The following PCMTD1 variants were observed in gnomAD, a reference collection of about 807,000 sequenced individuals.
The protein encoded by PCMTD1 is protein-L-isoaspartate (D-aspartate) O-methyltransferase domain containing 1.
PCMTD1 carries 12 observed loss-of-function variants against 37.6 expected under a neutral mutation model. That is an observed-to-expected ratio of 0.32 (90% CI 0.20 to 0.52). The LOEUF (loss-of-function observed/expected upper bound fraction) is 0.52. Ranked by LOEUF, PCMTD1 falls within the 20% of genes least tolerant of loss-of-function variation. PCMTD1 has a pLI of 0.97. For missense variants in PCMTD1, 235 were observed against 421.3 expected (o/e 0.56, Z 3.87); for synonymous variants, 117 against 135.8 (o/e 0.86, Z 0.96).
intron 1 of PCMTD1, among the ~76,000 whole-genome samples, chr8:51,883,847 C>T (rs2038826950): frequency 6.6e-6 from 1 of 152,184 alleles, no homozygotes; most frequent in Non-Finnish European, 1.5e-5. Context: ...AAACCATTTG[C>T]ATTTACAAAA....
At chr8:51,853,577 A>G (rs1366751227) in intron 2 of PCMTD1, among the ~76,000 whole-genome samples, 3 of 152,238 alleles carry the variant, frequency 2.0e-5, no homozygotes, top group Non-Finnish European at 4.4e-5. Flanking sequence ...AATTAGCAAA[A>G]GATGAACTAT....
chr8:51,833,454 T>G, intron 4 of PCMTD1, 64 bp downstream of exon 4: 1 of 1,363,312 alleles, frequency 7.3e-7, no homozygotes, highest in Non-Finnish European at 1.0e-6. Context: ...TGAATAAAAT[T>G]TCTTAACCTT....
chr8:51,817,693 G>C lies in PCMTD1; in HGVS notation c.*2658C>G, dbSNP rs1464103936. 1 of 271,188 alleles carries C rather than the reference G, an allele frequency of 3.7e-6. No homozygotes were observed. Among genetic ancestry groups the C allele is most frequent in the East Asian group, 1.0e-4 (1 of 9,620 alleles). The allele number at this position is 271,188 out of a possible 1,614,324, so 16.8% of individuals were successfully genotyped here. On this transcript the variant is annotated 3_prime_UTR_variant, in exon 6 of 6. Coordinates refer to ENST00000522514, the MANE Select transcript of PCMTD1 (RefSeq NM_052937.4). ...ACAGCTATAAATCAACACACTTTTT[G>C]TATTTTATTTTACTACTATGTATGC...
At chr8:51,874,257 C>T (rs1179270650) in intron 1 of PCMTD1, among the ~76,000 whole-genome samples, 1 of 152,172 alleles carries the variant, frequency 6.6e-6, no homozygotes, top group Non-Finnish European at 1.5e-5. Flanking sequence ...ACTTAAAGAA[C>T]ACCATCCAAA....
chr8:51,868,995 T>C (rs1466495901), intron 1 of PCMTD1, among the ~76,000 whole-genome samples: 2 of 152,266 alleles, frequency 1.3e-5, no homozygotes, highest in South Asian at 2.1e-4. Context: ...CATTTCCTAA[T>C]ACCATGAGAC....
intron 2 of PCMTD1, among the ~76,000 whole-genome samples, chr8:51,859,763 T>G (rs1393533489): frequency 6.6e-6 from 1 of 152,210 alleles, no homozygotes; most frequent in Non-Finnish European, 1.5e-5. Context: ...GTCACCCTAC[T>G]AGAGGATATG....
chr8:51,823,808 C>T (rs2037881750), intron 5 of PCMTD1, among the ~76,000 whole-genome samples: 1 of 152,156 alleles, frequency 6.6e-6, no homozygotes, highest in Non-Finnish European at 1.5e-5. Context: ...AAAATACTGG[C>T]AAACCGAATC....
chr8:51,849,362 A>T (rs1267339985), intron 2 of PCMTD1: 1 of 152,190 alleles, frequency 6.6e-6, no homozygotes, highest in Non-Finnish European at 1.5e-5. Flanking sequence ...TGATATTAAC[A>T]GGCCAACTGA....
At chr8:51,870,549 T>C (rs1024136137) in intron 1 of PCMTD1, among the ~76,000 whole-genome samples, 2 of 152,230 alleles carry the variant, frequency 1.3e-5, no homozygotes, top group African/African-American at 4.8e-5. Flanking sequence ...TAAGTAGTGA[T>C]AACATATAGC....
chr8:51,838,326 A>T (rs1203239907), intron 3 of PCMTD1, among the ~76,000 whole-genome samples: 5 of 150,296 alleles, frequency 3.3e-5, no homozygotes, highest in African/African-American at 4.9e-5. Context: ...GTCTCTACAA[A>T]TTTTTTTTTT....
chr8:51,821,704 C>T (rs2037850595), intron 5 of PCMTD1, among the ~76,000 whole-genome samples: 2 of 151,288 alleles, frequency 1.3e-5, no homozygotes, highest in Non-Finnish European at 2.9e-5. Flanking sequence ...AAAATCAAAA[C>T]GCCAATGATA....
At chr8:51,899,091 G>C (rs1037065894), upstream of PCMTD1, 6 of 1,480,962 alleles carry the variant, frequency 4.1e-6, no homozygotes, top group African/African-American at 1.4e-5. Context: ...CCGGACTCCG[G>C]AGCCGCCGGG....
intron 2 of PCMTD1, among the ~76,000 whole-genome samples, chr8:51,858,439 A>G (rs2038423199): frequency 6.6e-6 from 1 of 152,186 alleles, no homozygotes; most frequent in South Asian, 2.1e-4. Context: ...GAAGCAGTGG[A>G]GCCAAATTTG....
At chr8:51,835,302 G>A (rs7010217) in intron 3 of PCMTD1, among the ~76,000 whole-genome samples, 21,085 of 152,062 alleles carry the variant, frequency 0.14, 2,653 homozygotes, top group African/African-American at 0.32. Context: ...TATCAGCTTT[G>A]CAATGAAATC....
chr8:51,893,587 G>A (rs950299189), intron 1 of PCMTD1, among the ~76,000 whole-genome samples: 1 of 152,140 alleles, frequency 6.6e-6, no homozygotes, highest in East Asian at 1.9e-4. Flanking sequence ...AAACTTGTCT[G>A]ACTCAACAGC....
chr8:51,890,700 G>T (rs1357906762), intron 1 of PCMTD1, among the ~76,000 whole-genome samples: 1 of 152,174 alleles, frequency 6.6e-6, no homozygotes, highest in Non-Finnish European at 1.5e-5. Context: ...CAGCACACCT[G>T]TGGCTCCCAT....
intron 3 of PCMTD1, among the ~76,000 whole-genome samples, chr8:51,835,683 A>T (rs77107468): frequency 0.034 from 5,250 of 152,248 alleles, 324 homozygotes; most frequent in East Asian, 0.29. Flanking sequence ...ATAATTAAAA[A>T]TTTTTGAATT....
chr8:51,868,065 T>C (rs777533851), intron 1 of PCMTD1, among the ~76,000 whole-genome samples: 7 of 152,134 alleles, frequency 4.6e-5, no homozygotes, highest in Admixed American at 4.6e-4. Flanking sequence ...TGTAAACATA[T>C]ATTGAAACAT....
At chr8:51,823,935 T>C (rs1210628782) in intron 5 of PCMTD1, among the ~76,000 whole-genome samples, 2 of 152,054 alleles carry the variant, frequency 1.3e-5, no homozygotes, top group East Asian at 1.9e-4. Flanking sequence ...ATAGAACCAA[T>C]GACAAAAAAC....
Sources: allele counts gnomAD v4.1 joint callset (sites outside exome capture counted in the v4.1 genomes callset), GRCh38; gene constraint gnomAD v4.1.1; transcripts MANE v1.5; gene names NCBI Gene and HGNC (gene_info 2026-07-23, HGNC 2026-07-21).